Variants in ZC3H13 observed in about 807,000 individuals in gnomAD.
ZC3H13 encodes the protein zinc finger CCCH domain-containing protein 13.
In ZC3H13, 64 loss-of-function variants were observed where a neutral mutation model predicts 204.1. The observed-to-expected ratio is 0.31, with a 90% CI of 0.26 to 0.39. The LOEUF is 0.39. Among genes scored for constraint, ZC3H13 ranks in the 10% least tolerant of loss-of-function variants. The pLI is 1.00. For missense variants in ZC3H13, 1,833 were observed against 2,082.7 expected (o/e 0.88, Z 2.33); for synonymous variants, 667 against 693.7 (o/e 0.96, Z 0.60).
chr13:45,969,775 C>G lies in ZC3H13; in HGVS notation c.2769G>C (p.Gln923His), dbSNP rs955053802. The change falls in exon 14 of 19, where the codon CAG becomes CAC. Residue 923 changes from glutamine (Q) to histidine (H), a missense_variant. Around this residue, in one of 5 missense-constraint regions of ZC3H13, gnomAD observed 1,574 missense variants for 1,757.2 expected, o/e 0.90. Transcript: ENST00000679008. ...KVSSVDKQRE[Q>H]TEILESSRMR... ...TTCTTGAGCTTTCCAGGATTTCTGT[C>G]TGTTCTCTCTGTTTATCTACAGAAG... is the stretch of plus-strand genomic sequence containing the variant. 1.9e-6 allele frequency: 3 copies of G among 1,613,760 alleles called. No homozygotes were observed. The African/African-American group carries it at 4.0e-5, about 22-fold the overall frequency.
chr13:45,998,813 T>C (rs571136917), intron 8 of ZC3H13, among the ~76,000 whole-genome samples: 3 of 152,134 alleles, frequency 2.0e-5, no homozygotes, highest in Non-Finnish European at 4.4e-5. Flanking sequence ...TGCAAAAGGC[T>C]GGGGAGGCTG....
chr13:45,997,169 T>A (rs752884528), intron 8 of ZC3H13, among the ~76,000 whole-genome samples: 6 of 152,234 alleles, frequency 3.9e-5, no homozygotes, highest in Non-Finnish European at 5.9e-5. Context: ...TGAGTAAAGT[T>A]AAGTTGGAAG....
At chr13:46,048,719 T>G (rs1465210318) in intron 1 of ZC3H13, among the ~76,000 whole-genome samples, 4 of 151,750 alleles carry the variant, frequency 2.6e-5, no homozygotes, top group Non-Finnish European at 4.4e-5. Context: ...GAGACAAAAT[T>G]GCTTTTACCA....
chr13:46,028,104 T>C (rs926483976), intron 4 of ZC3H13, among the ~76,000 whole-genome samples: 4 of 152,150 alleles, frequency 2.6e-5, no homozygotes, highest in Non-Finnish European at 5.9e-5. Flanking sequence ...TAAACACATA[T>C]ATTAATAGAT....
At chr13:45,963,428 T>TC (rs1365244184) in intron 17 of ZC3H13, 2 of 840,620 alleles carry the variant, frequency 2.4e-6, no homozygotes, top group African/African-American at 3.7e-5. Context: ...GTTAATTTGT[T>TC]TTTTTTTTTT....
chr13:46,042,392 A>C, intron 3 of ZC3H13, 117 bp from the exon 4 acceptor site: 68 of 633,350 alleles, frequency 1.1e-4, no homozygotes, highest in Non-Finnish European at 1.4e-4. Context: ...CACAAATCTC[A>C]ATACACTTTT....
intron 6 of ZC3H13, among the ~76,000 whole-genome samples, chr13:46,011,104 C>G (rs1260762641): frequency 6.6e-6 from 1 of 151,942 alleles, no homozygotes; most frequent in Non-Finnish European, 1.5e-5. Flanking sequence ...AGAAAAGAAA[C>G]AAGGCATTCT....
At chr13:46,042,580 G>A (rs1033921474) in intron 3 of ZC3H13, among the ~76,000 whole-genome samples, 11 of 152,010 alleles carry the variant, frequency 7.2e-5, no homozygotes, top group African/African-American at 2.4e-4. Flanking sequence ...TGAGAAAAAG[G>A]AACTAATAGC....
intron 4 of ZC3H13, among the ~76,000 whole-genome samples, chr13:46,031,377 G>A (rs1373737344): frequency 1.3e-5 from 2 of 151,698 alleles, no homozygotes; most frequent in Non-Finnish European, 2.9e-5. Flanking sequence ...GATGACCTTG[G>A]GTATGGCAAT....
In ZC3H13 at chr13:45,988,106, A is replaced by G. The variant is rs140157752; in HGVS notation, c.1255+681T>C. On this transcript the variant is annotated intron_variant, in intron 9 of 18. Coordinates refer to ENST00000679008, the MANE Select transcript of ZC3H13 (RefSeq NM_001330564.2). ...AAAACACTTCTGATGCTTTCAAACT[A>G]CGCTCTCTGATTTGTTGCTTTTCTT... is the stretch of plus-strand genomic sequence containing the variant. Among the ~76,000 whole-genome samples, 409 of 152,228 alleles carry G rather than the reference A, an allele frequency of 2.7e-3. 4 individuals carry two copies. The highest frequency in any genetic ancestry group is 9.2e-3 in the African/African-American group (381 of 41,530).
At chr13:46,035,941 T>G (rs761904506) in intron 4 of ZC3H13, among the ~76,000 whole-genome samples, 2 of 152,056 alleles carry the variant, frequency 1.3e-5, no homozygotes, top group Non-Finnish European at 2.9e-5. Context: ...CTAGAGTCAG[T>G]GCCATTTTTT....
At chr13:46,039,850 A>G (rs1206785785) in intron 4 of ZC3H13, among the ~76,000 whole-genome samples, 1 of 152,206 alleles carries the variant, frequency 6.6e-6, no homozygotes, top group East Asian at 1.9e-4. Flanking sequence ...TGCATCTGTC[A>G]GTGATGTCTT....
chr13:46,046,376 G>A (rs778276773), intron 1 of ZC3H13, among the ~76,000 whole-genome samples: 2 of 151,696 alleles, frequency 1.3e-5, no homozygotes. Flanking sequence ...TATTTTTTAA[G>A]GGCCAGGCAC....
At chr13:45,959,177 T>C (rs1951500260) in intron 18 of ZC3H13, among the ~76,000 whole-genome samples, 1 of 147,578 alleles carries the variant, frequency 6.8e-6, no homozygotes, top group African/African-American at 2.5e-5. Context: ...CTCTAAGAAA[T>C]TTTTTTCCTT....
intron 4 of ZC3H13, among the ~76,000 whole-genome samples, chr13:46,022,895 ATGTCTG>A (rs1318488635): frequency 7.1e-6 from 1 of 140,408 alleles, no homozygotes; most frequent in Admixed American, 7.1e-5. Context: ...TTGCTCCCAA[ATGTCTG>A]TGTCTTAGGA....
At chr13:45,997,488 T>G (rs2040425007) in intron 8 of ZC3H13, among the ~76,000 whole-genome samples, 1 of 152,130 alleles carries the variant, frequency 6.6e-6, no homozygotes, top group Non-Finnish European at 1.5e-5. Flanking sequence ...TATACATAAC[T>G]CAAGAAACTT....
chr13:45,982,709 A>T (rs1419486972), intron 10 of ZC3H13, among the ~76,000 whole-genome samples: 1 of 152,220 alleles, frequency 6.6e-6, no homozygotes, highest in Admixed American at 6.5e-5. Flanking sequence ...TTGGAAATCC[A>T]AAATGCTCCA....
intron 8 of ZC3H13, among the ~76,000 whole-genome samples, chr13:45,998,108 T>C (rs1039490206): frequency 5.3e-5 from 8 of 152,156 alleles, no homozygotes; most frequent in African/African-American, 1.7e-4. Context: ...AAAGGGCAAT[T>C]TTTTCCAAAA....
intron 3 of ZC3H13, among the ~76,000 whole-genome samples, chr13:46,043,637 C>T (rs1369806880): frequency 6.6e-6 from 1 of 151,808 alleles, no homozygotes; most frequent in African/African-American, 2.4e-5. Flanking sequence ...ATCTTTGACT[C>T]GCATTATGAA....
Sources: allele counts gnomAD v4.1 joint callset (sites outside exome capture counted in the v4.1 genomes callset), GRCh38; gene constraint gnomAD v4.1.1; regional missense constraint gnomAD v4.1.1; transcripts MANE v1.5; gene names NCBI Gene and HGNC (gene_info 2026-07-23, HGNC 2026-07-21).